Variants in TRDMT1 observed in about 807,000 individuals in gnomAD.
TRDMT1 encodes tRNA aspartic acid methyltransferase 1, also known as tRNA (cytosine(38)-C(5))-methyltransferase.
In TRDMT1, 49 loss-of-function variants were observed where a neutral mutation model predicts 51.2. The ratio of observed to expected loss-of-function variants is 0.96; its 90% CI spans 0.76 to 1.21. The LOEUF is 1.21. Ranked by LOEUF, TRDMT1 falls within the 50% of genes most tolerant of loss-of-function variation. The probability of loss-of-function intolerance (pLI) is 0.00; values close to 1 mark genes in which losing one functional copy is unlikely to be tolerated. For missense variants in TRDMT1, 534 were observed against 462.3 expected, an observed-to-expected ratio of 1.16 and a Z score of -1.42; for synonymous variants, 187 against 164.6, an observed-to-expected ratio of 1.14 and a Z score of -1.04.
At chr10:17,196,780 T>C (rs1049440297) in intron 1 of TRDMT1, among the ~76,000 whole-genome samples, 22 of 152,156 alleles carry the variant, frequency 1.4e-4, no homozygotes, top group South Asian at 1.2e-3. Flanking sequence ...CTGGCCGTGG[T>C]ATCTAGTGTC....
Position 17,146,846 on chromosome 10 carries a change from T to C in TRDMT1, c.*2194A>G, listed in dbSNP as rs1490987864. ...TTTCCAAATTAATTATGCATACATA[T>C]ACATCTGCTAATTGAATGACACTGG... On this transcript the variant is annotated 3_prime_UTR_variant, in exon 11 of 11. Coordinates refer to ENST00000377799, the MANE Select transcript of TRDMT1 (RefSeq NM_004412.7). 1 of 985,286 alleles carries C rather than the reference T, an allele frequency of 1.0e-6. No individual in the cohort carries two copies. Among genetic ancestry groups the C allele is most frequent in the Non-Finnish European group, 1.2e-6 (1 of 829,876 alleles). 61.0% of individuals were successfully genotyped at this position (985,286 alleles called of 1,614,324 possible). A position where few individuals can be genotyped will look rare whatever the true frequency, so the allele number is the denominator to read the frequency against.
rs1025245295 is a variant in TRDMT1, at chr10:17,143,646, G to A, written c.*5394C>T. 4 of 985,436 alleles carry A rather than the reference G, an allele frequency of 4.1e-6. No individual in the cohort carries two copies. The highest frequency in any genetic ancestry group is 4.8e-6 in the Non-Finnish European group (4 of 829,922). The allele number at this position is 985,436 out of a possible 1,614,324, so 61.0% of individuals were successfully genotyped here. A position where few individuals can be genotyped will look rare whatever the true frequency, so the allele number is the denominator to read the frequency against. On this transcript the variant is annotated 3_prime_UTR_variant, in exon 11 of 11. Transcript: ENST00000377799. ...CATGTTTAACCAAGCACACAAATAT[G>A]ATTGCAAATATATGTGTGGGTGTTT...
chr10:17,148,030 CT>C lies in TRDMT1; in HGVS notation c.*1009del. ...TGTAATATGATTTCTGGACTTGTTT[CT>C]TTTCATCTCTCTTCTCTTTGTCACT... On this transcript the variant is annotated 3_prime_UTR_variant, in exon 11 of 11. Transcript: ENST00000377799. 1.0e-6 allele frequency: 1 copy of C among 985,116 alleles called. No individual in the cohort carries two copies. 61.0% of individuals were successfully genotyped at this position (985,116 alleles called of 1,614,324 possible).
rs1262449994 is a variant in TRDMT1 at position 17,143,741 on chromosome 10, G to T, written c.*5299C>A. On this transcript the variant is annotated 3_prime_UTR_variant, in exon 11 of 11. Transcript: ENST00000377799. ...TCGTTCAGAGGCCTGCCTTAGGAAG[G>T]CCATTTTAACAGAAGCTGACCAATG... 1.0e-6 allele frequency: 1 copy of T among 985,274 alleles called. No individual in the cohort carries two copies. Among genetic ancestry groups the T allele is most frequent in the Non-Finnish European group, 1.2e-6 (1 of 829,924 alleles). The allele number at this position is 985,274 out of a possible 1,614,324, so 61.0% of individuals were successfully genotyped here.
rs1588683608 is a variant in TRDMT1, at chr10:17,144,959, A to T, written c.*4081T>A. ...CTTAATGCCTTTTTAAAAAACATGC[A>T]AAGGGAGGCTGGGCGTGGTGGCTCA... On this transcript the variant is annotated 3_prime_UTR_variant, in exon 11 of 11. Coordinates refer to ENST00000377799, the MANE Select transcript of TRDMT1 (RefSeq NM_004412.7). 1 of 985,396 alleles carries T rather than the reference A, an allele frequency of 1.0e-6. No homozygotes were observed. The highest frequency in any genetic ancestry group is 1.1e-4 in the East Asian group (1 of 8,808). The allele number at this position is 985,396 out of a possible 1,614,324, so 61.0% of individuals were successfully genotyped here.
Position 17,148,839 on chromosome 10 carries a change from A to T in TRDMT1, c.*201T>A, listed in dbSNP as rs1348503219. 3.4e-6 allele frequency: 4 copies of T among 1,180,818 alleles called. No homozygotes were observed. Among genetic ancestry groups the T allele is most frequent in the Non-Finnish European group, 4.3e-6 (4 of 923,140 alleles). 73.1% of individuals were successfully genotyped at this position (1,180,818 alleles called of 1,614,324 possible). The stretch of plus-strand genomic sequence containing the variant: ...AAATATACTCTCCATAAAGCATAAC[A>T]ATAGTTCGTATTTTATAAAATACAG... On this transcript the variant is annotated 3_prime_UTR_variant, in exon 11 of 11. Coordinates refer to ENST00000377799, the MANE Select transcript of TRDMT1 (RefSeq NM_004412.7).
rs12258565 is a variant in TRDMT1, at chr10:17,141,174, A to T, written c.*7866T>A. 0.031 allele frequency among the ~76,000 whole-genome samples: 4,760 copies of T among 151,848 alleles called. 226 individuals carry two copies. Among genetic ancestry groups the T allele is most frequent in the African/African-American group, 0.11 (4,365 of 41,406 alleles). On this transcript the variant is annotated 3_prime_UTR_variant, in exon 11 of 11. Coordinates refer to ENST00000377799, the MANE Select transcript of TRDMT1 (RefSeq NM_004412.7). ...TCCAGCTGCTTTTATTTATTTATTT[A>T]TTTTTTTGAGACGGAGTCTCACTCT...
At chr10:17,190,093 T>A (rs1844484205) in intron 1 of TRDMT1, among the ~76,000 whole-genome samples, 1 of 152,134 alleles carries the variant, frequency 6.6e-6, no homozygotes, top group South Asian at 2.1e-4. Flanking sequence ...AAACCATTGG[T>A]CCAGGCGAAG....
Position 17,165,694 on chromosome 10 carries a change from T to C in TRDMT1, c.251+3147A>G, listed in dbSNP as rs182022578. On this transcript the variant is annotated intron_variant, in intron 3 of 10. Coordinates refer to ENST00000377799, the MANE Select transcript of TRDMT1 (RefSeq NM_004412.7). ...TACAAGAAAAAAACAAAAAACCCCA[T>C]CAAAAAGTGAGCAAAGGATATGAAC... Among the ~76,000 whole-genome samples the C allele has an allele frequency of 3.8e-3, 580 of 151,874 alleles. 4 individuals are homozygous for C. The highest frequency in any genetic ancestry group is 0.013 in the African/African-American group (546 of 41,414).
intron 2 of TRDMT1, chr10:17,169,597 T>A: frequency 8.8e-7 from 1 of 1,135,994 alleles, no homozygotes; most frequent in Non-Finnish European, 1.2e-6. Context: ...CAACTCACAT[T>A]AAGCACTCTC....
chr10:17,178,881 A>G (rs1381469139), intron 1 of TRDMT1, among the ~76,000 whole-genome samples: 2 of 152,200 alleles, frequency 1.3e-5, no homozygotes, highest in African/African-American at 4.8e-5. Flanking sequence ...CAGACTAAAT[A>G]TAAGAGACCA....
chr10:17,187,444 TCAA>T (rs1454748793), intron 1 of TRDMT1, among the ~76,000 whole-genome samples: 1 of 152,182 alleles, frequency 6.6e-6, no homozygotes, highest in African/African-American at 2.4e-5. Context: ...TTGACAATCA[TCAA>T]CAACCTTTAA....
rs1336353568 is a variant in TRDMT1, at chr10:17,147,059, T to C, written c.*1981A>G. 2.0e-6 allele frequency: 2 copies of C among 985,638 alleles called. No homozygotes were observed. Among genetic ancestry groups the C allele is most frequent in the Non-Finnish European group, 2.4e-6 (2 of 829,922 alleles). 61.1% of individuals were successfully genotyped at this position (985,638 alleles called of 1,614,324 possible). On this transcript the variant is annotated 3_prime_UTR_variant, in exon 11 of 11. Coordinates refer to ENST00000377799, the MANE Select transcript of TRDMT1 (RefSeq NM_004412.7). ...AGACCTTTCAAGTATTTATAGTTGG[T>C]GCACAGTAACTCGACACTTATTTTG...
intron 6 of TRDMT1, among the ~76,000 whole-genome samples, chr10:17,159,438 G>A (rs937775183): frequency 6.6e-6 from 1 of 152,068 alleles, no homozygotes; most frequent in Non-Finnish European, 1.5e-5. Flanking sequence ...ATTTGAATGA[G>A]TTAAAGATTG....
At chr10:17,155,069 T>TA (rs1839311931) in intron 8 of TRDMT1, among the ~76,000 whole-genome samples, 1 of 151,682 alleles carries the variant, frequency 6.6e-6, no homozygotes, top group African/African-American at 2.4e-5. Flanking sequence ...TAAAAATATT[T>TA]AAAAAATGAG....
At chr10:17,181,508 G>A (rs780754091) in intron 1 of TRDMT1, among the ~76,000 whole-genome samples, 3 of 152,158 alleles carry the variant, frequency 2.0e-5, no homozygotes, top group Non-Finnish European at 4.4e-5. Flanking sequence ...ATACATACAA[G>A]AGAATAAGTG....
chr10:17,191,964 G>A (rs756631108), intron 1 of TRDMT1, among the ~76,000 whole-genome samples: 3 of 152,068 alleles, frequency 2.0e-5, no homozygotes, highest in Non-Finnish European at 4.4e-5. Flanking sequence ...GTCAAGCTCG[G>A]CCATCACCCC....
rs768470505 is a variant in TRDMT1, at chr10:17,149,072, C to A, written c.1144G>T (p.Val382Leu). 1.2e-6 allele frequency: 2 copies of A among 1,610,924 alleles called. No individual in the cohort carries two copies. Among genetic ancestry groups the A allele is most frequent in the African/African-American group, 1.3e-5 (1 of 74,820 alleles). The change falls in exon 11 of 11, where the codon GTA becomes TTA. Residue 382 changes from valine to leucine, a missense_variant. Val to Leu is a conservative substitution (Grantham distance 32). Coordinates refer to ENST00000377799, the MANE Select transcript of TRDMT1 (RefSeq NM_004412.7). ...TATAAGATTTTGATTAGTTTAGCTA[C>A]TACATGCACGTTGAGACTATTTCCA... Reference protein sequence around the residue: ...LLGNSLNVHVVAKLIKILYE With the variant: ...LLGNSLNVHVLAKLIKILYE
chr10:17,155,110 A>G (rs933496224), intron 8 of TRDMT1, among the ~76,000 whole-genome samples: 2 of 152,024 alleles, frequency 1.3e-5, no homozygotes, highest in African/African-American at 4.8e-5. Flanking sequence ...CTACCTCAGG[A>G]GGCTGAGGTA....
Sources: gnomAD v4.1 joint callset for allele counts (sites outside exome capture counted in the v4.1 genomes callset) on GRCh38, gnomAD v4.1.1 for gene constraint, MANE v1.5 for transcripts, NCBI Gene and HGNC (gene_info 2026-07-23, HGNC 2026-07-21) for gene names.